Variants in PCBP3 observed in about 807,000 individuals in gnomAD.
PCBP3 encodes poly(rC) binding protein 3.
A neutral mutation model predicts 52.7 loss-of-function variants in PCBP3; 25 were observed. The observed-to-expected ratio is 0.47, with a 90% CI of 0.35 to 0.66. The LOEUF (loss-of-function observed/expected upper bound fraction) is 0.66, where lower values mean the gene tolerates loss of function less well. Among genes scored for constraint, PCBP3 ranks in the 30% least tolerant of loss-of-function variants. The probability of loss-of-function intolerance (pLI) is 0.01; values close to 1 mark genes in which losing one functional copy is unlikely to be tolerated. For missense variants in PCBP3, 391 were observed against 490.3 expected (o/e 0.80, Z 1.91); for synonymous variants, 162 against 183.0 (o/e 0.89, Z 0.93).
At chr21:45,925,230 T>A (rs2075237482) in intron 13 of PCBP3, among the ~76,000 whole-genome samples, 3 of 152,134 alleles carry the variant, frequency 2.0e-5, no homozygotes. Context: ...CACCCGCAGG[T>A]CTCTGTCTCA....
At chr21:45,677,025 A>T (rs2081512337) in intron 2 of PCBP3, among the ~76,000 whole-genome samples, 2 of 152,258 alleles carry the variant, frequency 1.3e-5, no homozygotes, top group African/African-American at 4.8e-5. Context: ...CACCTGCCTC[A>T]GCCTCCCAAA....
intron 4 of PCBP3, among the ~76,000 whole-genome samples, chr21:45,767,556 G>A (rs989789648): frequency 6.6e-6 from 1 of 152,192 alleles, no homozygotes; most frequent in East Asian, 1.9e-4. Flanking sequence ...GGACCTGGGG[G>A]ACACGTAGAG....
intron 4 of PCBP3, among the ~76,000 whole-genome samples, chr21:45,815,075 A>G (rs1220679023): frequency 9.4e-5 from 6 of 63,720 alleles, no homozygotes; most frequent in Admixed American, 3.1e-4. Context: ...GTGATGAGTG[A>G]TGGGTGAGTG....
intron 4 of PCBP3, among the ~76,000 whole-genome samples, chr21:45,784,335 G>GCTCTGC (rs1368694856): frequency 1.2e-4 from 13 of 105,786 alleles, no homozygotes; most frequent in African/African-American, 6.3e-4. Flanking sequence ...AATAGTGACA[G>GCTCTGC]CTCTACCTCT....
chr21:45,646,882 G>A (rs1329765781), intron 1 of PCBP3, among the ~76,000 whole-genome samples: 2 of 152,060 alleles, frequency 1.3e-5, no homozygotes, highest in Non-Finnish European at 2.9e-5. Context: ...TCCTGGCGAT[G>A]GGATCTGTTT....
chr21:45,776,437 T>C (rs1349642777), intron 4 of PCBP3, among the ~76,000 whole-genome samples: 1 of 151,912 alleles, frequency 6.6e-6, no homozygotes, highest in African/African-American at 2.4e-5. Flanking sequence ...TGAGTCTCTC[T>C]CTCTCCCACT....
At chr21:45,657,134 A>G (rs1880681569) in intron 1 of PCBP3, among the ~76,000 whole-genome samples, 1 of 152,144 alleles carries the variant, frequency 6.6e-6, no homozygotes, top group South Asian at 2.1e-4. Flanking sequence ...TTTTCTTGAT[A>G]GTATCCTTTG....
chr21:45,826,039 A>G (rs999681729), intron 4 of PCBP3, among the ~76,000 whole-genome samples: 6 of 152,228 alleles, frequency 3.9e-5, no homozygotes, highest in Non-Finnish European at 7.3e-5. Flanking sequence ...TGGGAGGCCA[A>G]GGCAAGGTTG....
intron 3 of PCBP3, among the ~76,000 whole-genome samples, chr21:45,747,122 A>G (rs2086966767): frequency 6.6e-6 from 1 of 152,216 alleles, no homozygotes; most frequent in African/African-American, 2.4e-5. Context: ...GAGGCCTCAC[A>G]ATCATGGCCA....
At chr21:45,879,983 A>G (rs947644162) in intron 5 of PCBP3, among the ~76,000 whole-genome samples, 9 of 152,258 alleles carry the variant, frequency 5.9e-5, no homozygotes, top group African/African-American at 2.2e-4. Context: ...GCCTCTTCAC[A>G]TTGGAGTAGT....
chr21:45,900,941 C>T, intron 8 of PCBP3, 56 bp from the exon 9 acceptor site: 1 of 1,279,532 alleles, frequency 7.8e-7, no homozygotes, highest in South Asian at 1.2e-5. Context: ...CGGCCCCCGA[C>T]CCACTGGCCC....
At chr21:45,700,070 G>T (rs575440472) in intron 2 of PCBP3, among the ~76,000 whole-genome samples, 1 of 152,306 alleles carries the variant, frequency 6.6e-6, no homozygotes, top group Admixed American at 6.5e-5. Flanking sequence ...CTGTAGTCAA[G>T]AAGCTGAGGG....
rs925499968 is a variant in PCBP3 at position 45,837,968 on chromosome 21, G to A, written c.-125-11993G>A. On this transcript the variant is annotated intron_variant, in intron 4 of 17. Coordinates refer to ENST00000681687, the MANE Select transcript of PCBP3 (RefSeq NM_001384156.1). The surrounding 1 kb of genome is among the most constrained non-coding windows in gnomAD (Gnocchi z 4.1). ...GTTGTTCTTTCTGTACTTATTAGTT[G>A]GGATTCATCTATGTGGAATAACGTT... is the stretch of plus-strand genomic sequence containing the variant. Among the ~76,000 whole-genome samples, 1 of 152,186 alleles carries A rather than the reference G, an allele frequency of 6.6e-6. No homozygotes were observed. The highest frequency in any genetic ancestry group is 2.4e-5 in the African/African-American group (1 of 41,442).
At chr21:45,808,202 A>G (rs2092572173) in intron 4 of PCBP3, among the ~76,000 whole-genome samples, 1 of 152,240 alleles carries the variant, frequency 6.6e-6, no homozygotes, top group African/African-American at 2.4e-5. Context: ...ATGGGATCTA[A>G]TTAAACTAAA....
chr21:45,662,174 C>T (rs1430538342), intron 1 of PCBP3, among the ~76,000 whole-genome samples: 1 of 151,026 alleles, frequency 6.6e-6, no homozygotes, highest in Non-Finnish European at 1.5e-5. Flanking sequence ...TATTGTTGAT[C>T]TCGGTTCACT....
At chr21:45,761,453 T>C (rs1157267041) in intron 4 of PCBP3, 1 of 152,282 alleles carries the variant, frequency 6.6e-6, no homozygotes, top group East Asian at 1.9e-4. Context: ...TATTAGGTTT[T>C]TATTTTGACA....
chr21:45,782,490 T>C (rs1316718090), intron 4 of PCBP3, among the ~76,000 whole-genome samples: 1 of 152,214 alleles, frequency 6.6e-6, no homozygotes, highest in African/African-American at 2.4e-5. Flanking sequence ...GCAGTCAGTC[T>C]GTGTTGAAGC....
intron 2 of PCBP3, among the ~76,000 whole-genome samples, chr21:45,689,642 A>C (rs1227728785): frequency 2.0e-5 from 3 of 152,258 alleles, no homozygotes; most frequent in East Asian, 3.9e-4. Flanking sequence ...AGATGATCAG[A>C]TCATAGAGAA....
chr21:45,866,710 G>A (rs2094740794), intron 5 of PCBP3, among the ~76,000 whole-genome samples: 1 of 152,254 alleles, frequency 6.6e-6, no homozygotes, highest in Middle Eastern at 3.4e-3. Flanking sequence ...AGATGCACAC[G>A]AGCGTGAAGC....
Sources: gnomAD v4.1 joint callset for allele counts (sites outside exome capture counted in the v4.1 genomes callset) on GRCh38, gnomAD v4.1.1 for gene constraint, Gnocchi (gnomAD v3.1) non-coding constraint, MANE v1.5 for transcripts, NCBI Gene and HGNC (gene_info 2026-07-23, HGNC 2026-07-21) for gene names.